The following ADCY5 variants were observed in gnomAD, a reference collection of about 807,000 sequenced individuals.
ADCY5 encodes the protein adenylate cyclase 5.
Under a neutral mutation model 119.7 loss-of-function variants are expected in ADCY5, and 30 were observed. The observed-to-expected ratio is 0.25, with a 90% CI of 0.19 to 0.34. The LOEUF (loss-of-function observed/expected upper bound fraction) is 0.34. Ranked by LOEUF, ADCY5 falls within the 10% of genes least tolerant of loss-of-function variation. ADCY5 has a pLI of 1.00. For synonymous variants in ADCY5, 753 were observed against 762.2 expected (o/e 0.99, Z 0.20); for missense variants, 1,324 against 1,775.2 (o/e 0.75, Z 4.57).
Position 123,282,721 on chromosome 3 carries a change from TG to T in ADCY5, c.*1886del, listed in dbSNP as rs1305980257. The T allele has an allele frequency of 1.3e-5, 2 of 152,324 alleles. No homozygotes were observed. The highest frequency in any genetic ancestry group is 4.8e-5 in the African/African-American group (2 of 41,442). The allele number at this position is 152,324 out of a possible 1,614,324, so 9.4% of individuals were successfully genotyped here. ...GGGACAGACTCAGGCTTGGCAGTTT[TG>T]GGTCCACACACTTTGCTTCTCAGAG... On this transcript the variant is annotated 3_prime_UTR_variant, in exon 21 of 21. Transcript: ENST00000462833.
At chr3:123,380,380 G>C (rs1277334579) in intron 1 of ADCY5, among the ~76,000 whole-genome samples, 1 of 152,204 alleles carries the variant, frequency 6.6e-6, no homozygotes, top group African/African-American at 2.4e-5. Context: ...TAGATCCTGG[G>C]CTTCCCAAGG....
In ADCY5 at chr3:123,282,960, G is replaced by C. The variant is rs914731317; in HGVS notation, c.*1648C>G. 6.6e-6 allele frequency: 1 copy of C among 152,218 alleles called. No individual in the cohort carries two copies. Among genetic ancestry groups the C allele is most frequent in the Non-Finnish European group, 1.5e-5 (1 of 68,040 alleles). 9.4% of individuals were successfully genotyped at this position (152,218 alleles called of 1,614,324 possible). On this transcript the variant is annotated 3_prime_UTR_variant, in exon 21 of 21. Transcript: ENST00000462833. The stretch of plus-strand genomic sequence containing the variant: ...AAGGATTCCACTGAATTCTGTGCTA[G>C]AGTATCATTTTCCAAATGTCTTCCT...
At chr3:123,320,531 C>T (rs1941164262) in intron 9 of ADCY5, among the ~76,000 whole-genome samples, 1 of 152,202 alleles carries the variant, frequency 6.6e-6, no homozygotes. Flanking sequence ...AGTGCTGAGG[C>T]TCTGTCCTTC....
chr3:123,367,954 G>T (rs1360583998), intron 1 of ADCY5: 1 of 1,535,708 alleles, frequency 6.5e-7, no homozygotes, highest in Middle Eastern at 1.7e-4. Flanking sequence ...CGTGGGACAG[G>T]CCTGGGCCCT....
Position 123,447,545 on chromosome 3 carries a change from A to G in ADCY5, c.1001T>C (p.Phe334Ser), listed in dbSNP as rs1945843333. 5 of 1,609,672 alleles carry G rather than the reference A, an allele frequency of 3.1e-6. No homozygotes were observed. Among genetic ancestry groups the G allele is most frequent in the Non-Finnish European group, 4.2e-6 (5 of 1,179,592 alleles). ...SASEGIWWTV[F>S]FIYTIYTLLP... ...CAGCGTGTAGATGGTGTAGATGAAG[A>G]ACACGGTCCACCAGATGCCCTCAGA... is the stretch of plus-strand genomic sequence containing the variant. Residue 334 changes from phenylalanine (F) to serine (S), a missense_variant, in exon 1 of 21, where the codon TTC becomes TCC. By Grantham distance (155) the Phe-to-Ser change is radical. Transcript: ENST00000462833.
rs529974260 is a variant in ADCY5 at position 123,422,649 on chromosome 3, C to T, written c.1134+24763G>A. ...TCAGCTCATGTCTGGTGGCAGGGGG[C>T]GCTGCGAATCCCCCTCCTCAACCCC... On this transcript the variant is annotated intron_variant, in intron 1 of 20. Coordinates refer to ENST00000462833, the MANE Select transcript of ADCY5 (RefSeq NM_183357.3). Among the ~76,000 whole-genome samples the T allele has an allele frequency of 3.3e-5, 5 of 152,268 alleles. No individual in the cohort carries two copies. In the South Asian group the frequency reaches 1.0e-3, roughly 32 times the overall value.
intron 12 of ADCY5, among the ~76,000 whole-genome samples, chr3:123,308,273 G>C (rs948219754): frequency 2.0e-5 from 3 of 151,520 alleles, no homozygotes; most frequent in African/African-American, 7.3e-5. Flanking sequence ...TGCTGACCTC[G>C]TGATCCGCCC....
intron 1 of ADCY5, among the ~76,000 whole-genome samples, chr3:123,356,446 G>A (rs1174378633): frequency 3.9e-5 from 6 of 152,118 alleles, no homozygotes; most frequent in Non-Finnish European, 8.8e-5. Flanking sequence ...CATGAAAGGA[G>A]TCTTTTAAAA....
At chr3:123,406,180 G>A (rs1944894723) in intron 1 of ADCY5, among the ~76,000 whole-genome samples, 1 of 152,176 alleles carries the variant, frequency 6.6e-6, no homozygotes, top group Non-Finnish European at 1.5e-5. Context: ...TGAACAACCA[G>A]AGACAGCCTC....
At chr3:123,445,796 C>A (rs1945802409) in intron 1 of ADCY5, among the ~76,000 whole-genome samples, 1 of 152,204 alleles carries the variant, frequency 6.6e-6, no homozygotes, top group Non-Finnish European at 1.5e-5. Context: ...ACTAAGTATT[C>A]TGCACTGTGC....
chr3:123,328,564 C>A (rs1009336499), intron 6 of ADCY5, 80 bp downstream of exon 6: 2 of 1,534,442 alleles, frequency 1.3e-6, no homozygotes, highest in Non-Finnish European at 1.8e-6. Context: ...CCCCGCCTCG[C>A]CTCTGCAGGA....
intron 17 of ADCY5, 134 bp downstream of exon 17, chr3:123,295,950 A>C: frequency 7.5e-7 from 1 of 1,328,740 alleles, no homozygotes; most frequent in Non-Finnish European, 1.0e-6. Context: ...AGTGGCTTCG[A>C]TGGGGCCTGA....
intron 12 of ADCY5, among the ~76,000 whole-genome samples, chr3:123,305,482 T>C (rs1277803117): frequency 6.6e-6 from 1 of 152,192 alleles, no homozygotes; most frequent in Non-Finnish European, 1.5e-5. Context: ...GTTCTTCAGC[T>C]GCAACCCAAA....
intron 1 of ADCY5, among the ~76,000 whole-genome samples, chr3:123,406,125 T>C (rs1014541218): frequency 2.6e-5 from 4 of 152,174 alleles, no homozygotes; most frequent in Non-Finnish European, 5.9e-5. Flanking sequence ...GTTCTTATAC[T>C]CAAGGCCATT....
In ADCY5 at chr3:123,284,397, TG is replaced by T; in HGVS notation, c.*210del. The T allele has an allele frequency of 1.5e-6, 1 of 656,148 alleles. No individual in the cohort carries two copies. The highest frequency in any genetic ancestry group is 2.5e-6 in the Non-Finnish European group (1 of 393,982). 40.6% of individuals were successfully genotyped at this position (656,148 alleles called of 1,614,324 possible). On this transcript the variant is annotated 3_prime_UTR_variant, in exon 21 of 21. Transcript: ENST00000462833. ...ACAGAGGGAAACATCTTTGGTCAGC[TG>T]GGTGCTCGCAGGACGCTGGCACCCC...
intron 17 of ADCY5, among the ~76,000 whole-genome samples, chr3:123,295,443 G>A (rs947146808): frequency 6.6e-6 from 1 of 152,228 alleles, no homozygotes; most frequent in Non-Finnish European, 1.5e-5. Context: ...TGCTCCAGCA[G>A]GTAACCTGGC....
chr3:123,317,463 G>A (rs1940976184), intron 11 of ADCY5, among the ~76,000 whole-genome samples: 1 of 152,024 alleles, frequency 6.6e-6, no homozygotes, highest in South Asian at 2.1e-4. Flanking sequence ...GACCAGGCGT[G>A]GTGGCTCACG....
intron 1 of ADCY5, among the ~76,000 whole-genome samples, chr3:123,424,765 T>TGCGCGCATGCACGCAC (rs1391674833): frequency 6.6e-6 from 1 of 152,292 alleles, no homozygotes. Context: ...TGTGTGTGTG[T>TGCGCGCATGCACGCAC]GCGCGCATGC....
chr3:123,405,978 C>G (rs2107616278), intron 1 of ADCY5, among the ~76,000 whole-genome samples: 1 of 152,310 alleles, frequency 6.6e-6, no homozygotes, highest in East Asian at 1.9e-4. Flanking sequence ...TGGGGTCTCG[C>G]TGACCCTGGA....
Sources: allele counts gnomAD v4.1 joint callset (sites outside exome capture counted in the v4.1 genomes callset), GRCh38; gene constraint gnomAD v4.1.1; transcripts MANE v1.5; gene names NCBI Gene and HGNC (gene_info 2026-07-23, HGNC 2026-07-21).